Variants in BTBD9 observed in about 807,000 individuals in gnomAD.
The protein encoded by BTBD9 is BTB/POZ domain-containing protein 9.
BTBD9 carries 49 observed loss-of-function variants against 64.3 expected under a neutral mutation model. The observed-to-expected ratio is 0.76, with a 90% CI of 0.61 to 0.97. The LOEUF is 0.97. BTBD9 is among the 50% of genes least tolerant of loss of function. BTBD9 has a pLI of 0.00. For missense variants in BTBD9, 598 were observed against 762.1 expected, an observed-to-expected ratio of 0.78 and a Z score of 2.53; for synonymous variants, 260 against 274.7, an observed-to-expected ratio of 0.95 and a Z score of 0.53.
At chr6:38,487,984 T>C (rs1771532988) in intron 6 of BTBD9, among the ~76,000 whole-genome samples, 1 of 152,078 alleles carries the variant, frequency 6.6e-6, no homozygotes, top group Non-Finnish European at 1.5e-5. Flanking sequence ...ATGAAATAGG[T>C]GTAATAGAGA....
intron 6 of BTBD9, among the ~76,000 whole-genome samples, chr6:38,536,674 C>T (rs1019589978): frequency 1.8e-4 from 27 of 152,050 alleles, no homozygotes; most frequent in Non-Finnish European, 2.1e-4. Flanking sequence ...ATTTGCACAA[C>T]ATGGATGAGG....
At chr6:38,398,946 A>G (rs1420130574) in intron 6 of BTBD9, among the ~76,000 whole-genome samples, 1 of 152,212 alleles carries the variant, frequency 6.6e-6, no homozygotes, top group East Asian at 1.9e-4. Flanking sequence ...GAAATGTTTC[A>G]TAACACTAAG....
chr6:38,625,668 C>CATCATAACTA (rs1167421176), intron 1 of BTBD9, among the ~76,000 whole-genome samples: 21 of 152,102 alleles, frequency 1.4e-4, no homozygotes, highest in Admixed American at 1.3e-3. Context: ...GAACATAGAG[C>CATCATAACTA]TGAAAAGAAT....
chr6:38,556,878 G>A (rs1006829439), intron 6 of BTBD9, among the ~76,000 whole-genome samples: 2 of 150,874 alleles, frequency 1.3e-5, no homozygotes, highest in African/African-American at 2.4e-5. Flanking sequence ...TTAGCCAGAT[G>A]TAGTGGCGCC....
At chr6:38,400,526 A>G (rs1338657357) in intron 6 of BTBD9, among the ~76,000 whole-genome samples, 2 of 152,098 alleles carry the variant, frequency 1.3e-5, no homozygotes, top group Non-Finnish European at 1.5e-5. Flanking sequence ...CTTTCTCCCC[A>G]AAAGCCTTCT....
intron 8 of BTBD9, among the ~76,000 whole-genome samples, chr6:38,272,880 G>A (rs1765242802): frequency 6.6e-6 from 1 of 152,108 alleles, no homozygotes. Context: ...AATGACAAGA[G>A]GTTTGCATTG....
At chr6:38,209,711 A>G (rs1449787160) in intron 9 of BTBD9, among the ~76,000 whole-genome samples, 1 of 152,120 alleles carries the variant, frequency 6.6e-6, no homozygotes, top group Non-Finnish European at 1.5e-5. Flanking sequence ...GAGTGTTAGG[A>G]GCAGCTTGCT....
chr6:38,272,989 G>T (rs1370332879), intron 8 of BTBD9, among the ~76,000 whole-genome samples: 1 of 152,180 alleles, frequency 6.6e-6, no homozygotes, highest in Non-Finnish European at 1.5e-5. Flanking sequence ...CCTGAGGTAA[G>T]TATATGCCAA....
chr6:38,591,802 ACCACT>A (rs1404804100), intron 4 of BTBD9, among the ~76,000 whole-genome samples: 3 of 152,196 alleles, frequency 2.0e-5, no homozygotes, highest in Non-Finnish European at 4.4e-5. Context: ...AAGAAAAATC[ACCACT>A]TAAGTGGTGA....
intron 8 of BTBD9, among the ~76,000 whole-genome samples, chr6:38,267,817 G>A (rs1393257394): frequency 2.0e-5 from 3 of 152,184 alleles, no homozygotes; most frequent in Non-Finnish European, 2.9e-5. Context: ...GCAGGCGCCT[G>A]TAGTCCCAGC....
chr6:38,345,905 G>C (rs1273754894), intron 6 of BTBD9, among the ~76,000 whole-genome samples: 1 of 152,190 alleles, frequency 6.6e-6, no homozygotes, highest in Non-Finnish European at 1.5e-5. Context: ...TCTCCAAAGG[G>C]ACCTGACAGT....
chr6:38,356,738 A>C (rs1764742726), intron 6 of BTBD9, among the ~76,000 whole-genome samples: 1 of 152,208 alleles, frequency 6.6e-6, no homozygotes, highest in South Asian at 2.1e-4. Flanking sequence ...TTTTAGCTTC[A>C]TGTTAGGATT....
chr6:38,482,087 A>T (rs1383064010), intron 6 of BTBD9: 1 of 152,236 alleles, frequency 6.6e-6, no homozygotes, highest in Admixed American at 6.5e-5. Flanking sequence ...AAGCATTTGG[A>T]GAAGTGCTAC....
chr6:38,265,935 A>G (rs1427758655), intron 8 of BTBD9, among the ~76,000 whole-genome samples: 3 of 152,250 alleles, frequency 2.0e-5, no homozygotes, highest in Non-Finnish European at 4.4e-5. Flanking sequence ...ATTACCAAAT[A>G]CATGGCTGCA....
At chr6:38,583,662 G>A (rs559300061) in intron 4 of BTBD9, among the ~76,000 whole-genome samples, 1 of 152,284 alleles carries the variant, frequency 6.6e-6, no homozygotes, top group Non-Finnish European at 1.5e-5. Flanking sequence ...AAGTGATTGT[G>A]ACTAAAGTCT....
intron 4 of BTBD9, among the ~76,000 whole-genome samples, chr6:38,584,874 C>T (rs1415740452): frequency 6.6e-6 from 1 of 152,074 alleles, no homozygotes; most frequent in Non-Finnish European, 1.5e-5. Context: ...AGTACTGGCA[C>T]TCAAACATAC....
intron 6 of BTBD9, among the ~76,000 whole-genome samples, chr6:38,363,570 C>T (rs981896588): frequency 2.0e-5 from 3 of 152,128 alleles, no homozygotes; most frequent in African/African-American, 7.2e-5. Flanking sequence ...GTGACAAAGA[C>T]CCTGTCTCAA....
At chr6:38,632,337 G>C (rs1031013738) in intron 1 of BTBD9, among the ~76,000 whole-genome samples, 2 of 152,178 alleles carry the variant, frequency 1.3e-5, no homozygotes, top group African/African-American at 4.8e-5. Flanking sequence ...TAGGACCAAA[G>C]AGTGACTTAG....
At chr6:38,356,673 G>A (rs560024664) in intron 6 of BTBD9, among the ~76,000 whole-genome samples, 1 of 152,128 alleles carries the variant, frequency 6.6e-6, no homozygotes, top group Non-Finnish European at 1.5e-5. Context: ...CTGGTTGTCA[G>A]GAGGGAAACT....
Sources: allele counts gnomAD v4.1 joint callset (sites outside exome capture counted in the v4.1 genomes callset), GRCh38; gene constraint gnomAD v4.1.1; transcripts MANE v1.5; gene names NCBI Gene and HGNC (gene_info 2026-07-23, HGNC 2026-07-21).